WDR64: variants seen among roughly 807,000 people sequenced by gnomAD.
WDR64 encodes the protein WD repeat domain 64, also known as WD repeat-containing protein 64.
Under a neutral mutation model 139.3 loss-of-function variants are expected in WDR64, and 112 were observed. The observed-to-expected ratio is 0.80, with a 90% CI of 0.69 to 0.94. The LOEUF (loss-of-function observed/expected upper bound fraction) is 0.94. WDR64 is among the 40% of genes least tolerant of loss of function. The pLI is 0.00. For synonymous variants in WDR64, 444 were observed against 437.7 expected (o/e 1.01, Z -0.18); for missense variants, 1,206 against 1,293.1 (o/e 0.93, Z 1.03).
intron 8 of WDR64, among the ~76,000 whole-genome samples, chr1:241,701,930 G>A (rs1236855016): frequency 1.3e-5 from 2 of 152,032 alleles, no homozygotes; most frequent in Non-Finnish European, 2.9e-5. Flanking sequence ...TACATAATTG[G>A]CCAGCTGTTA....
rs1282042088 is a variant in WDR64 at position 241,801,651 on chromosome 1, C to T, written c.*436C>T. The T allele has an allele frequency of 5.0e-6, 2 of 398,726 alleles. No individual in the cohort carries two copies. Among genetic ancestry groups the T allele is most frequent in the Admixed American group, 8.8e-5 (2 of 22,746 alleles). The allele number at this position is 398,726 out of a possible 1,614,324, so 24.7% of individuals were successfully genotyped here. On this transcript the variant is annotated 3_prime_UTR_variant, in exon 28 of 28. Coordinates refer to ENST00000437684, the MANE Select transcript of WDR64 (RefSeq NM_001367482.1). ...AGAATTATTAAAAAGAAAAATGTAC[C>T]AGTCAGATCTCTAGATGTTTGTCTT...
At chr1:241,800,431 A>C (rs561572662) in intron 27 of WDR64, among the ~76,000 whole-genome samples, 1 of 152,338 alleles carries the variant, frequency 6.6e-6, no homozygotes. Flanking sequence ...ATGAATTTTT[A>C]AACCAAATTA....
chr1:241,740,192 T>G (rs955497575), intron 11 of WDR64, among the ~76,000 whole-genome samples: 1 of 152,216 alleles, frequency 6.6e-6, no homozygotes, highest in Non-Finnish European at 1.5e-5. Context: ...CTCCACATTC[T>G]TTCTCAGCAC....
intron 8 of WDR64, among the ~76,000 whole-genome samples, chr1:241,695,275 A>T (rs1320266259): frequency 6.6e-6 from 1 of 152,318 alleles, no homozygotes; most frequent in African/African-American, 2.4e-5. Context: ...TTTTTAAAAA[A>T]ATATCCTCAG....
At chr1:241,766,896 CTAG>C (rs1383655079) in intron 16 of WDR64, among the ~76,000 whole-genome samples, 1 of 152,170 alleles carries the variant, frequency 6.6e-6, no homozygotes, top group Non-Finnish European at 1.5e-5. Context: ...CTATTCTCAA[CTAG>C]TATATGCTTT....
chr1:241,670,718 G>A (rs1224035055), intron 2 of WDR64, among the ~76,000 whole-genome samples: 1 of 152,198 alleles, frequency 6.6e-6, no homozygotes, highest in Non-Finnish European at 1.5e-5. Flanking sequence ...AGTGGCACTA[G>A]ATCCTCACAG....
At chr1:241,673,795 C>T (rs919167306) in intron 3 of WDR64, among the ~76,000 whole-genome samples, 2 of 152,074 alleles carry the variant, frequency 1.3e-5, no homozygotes, top group African/African-American at 4.8e-5. Flanking sequence ...CAGTGCATGG[C>T]CATAGAAACA....
chr1:241,685,974 T>C (rs1277527241), intron 7 of WDR64, among the ~76,000 whole-genome samples: 1 of 152,206 alleles, frequency 6.6e-6, no homozygotes, highest in East Asian at 1.9e-4. Context: ...ATCCCTGTTT[T>C]CATTAGATAG....
chr1:241,680,193 T>A (rs1236862554), intron 6 of WDR64, among the ~76,000 whole-genome samples: 1 of 152,120 alleles, frequency 6.6e-6, no homozygotes, highest in African/African-American at 2.4e-5. Flanking sequence ...GAGGGTGAGA[T>A]CACTGAGCAC....
At chr1:241,693,977 G>T (rs1278867691) in intron 8 of WDR64, among the ~76,000 whole-genome samples, 2 of 151,990 alleles carry the variant, frequency 1.3e-5, no homozygotes, top group Non-Finnish European at 2.9e-5. Context: ...ATAGAACTTG[G>T]TCTCCTTCCC....
intron 27 of WDR64, among the ~76,000 whole-genome samples, chr1:241,798,077 A>G (rs1365505962): frequency 6.6e-6 from 1 of 152,148 alleles, no homozygotes; most frequent in Non-Finnish European, 1.5e-5. Context: ...AATAACCAGA[A>G]TTTGACTCTA....
intron 9 of WDR64, among the ~76,000 whole-genome samples, chr1:241,714,068 A>G (rs1031478382): frequency 3.3e-5 from 5 of 152,200 alleles, no homozygotes; most frequent in Non-Finnish European, 5.9e-5. Flanking sequence ...TGACAGGAAA[A>G]GATCTGGTTG....
intron 3 of WDR64, 127 bp downstream of exon 3, chr1:241,671,303 G>T: frequency 1.5e-6 from 1 of 656,932 alleles, no homozygotes; most frequent in Non-Finnish European, 2.5e-6. Flanking sequence ...ATCACTAGGT[G>T]TCGGGGGTGG....
Position 241,703,371 on chromosome 1 carries a change from C to T in WDR64, c.975-8431C>T, listed in dbSNP as rs1263935713. Among the ~76,000 whole-genome samples, 1 of 151,958 alleles carries T rather than the reference C, an allele frequency of 6.6e-6. No homozygotes were observed. Among genetic ancestry groups the T allele is most frequent in the African/African-American group, 2.4e-5 (1 of 41,362 alleles). ...TCTGCTTCTCTCCCTGCATCACGCT[C>T]ATTAATTCATGGAACAACAGGAGAA... On this transcript the variant is annotated intron_variant, in intron 8 of 27. Coordinates refer to ENST00000437684, the MANE Select transcript of WDR64 (RefSeq NM_001367482.1). This position sits in a 1 kb window ranked among gnomAD's most constrained non-coding sequence, Gnocchi z 5.9.
chr1:241,700,624 G>A (rs1667675152), intron 8 of WDR64, among the ~76,000 whole-genome samples: 1 of 152,164 alleles, frequency 6.6e-6, no homozygotes, highest in African/African-American at 2.4e-5. Context: ...TGCTTCAAGG[G>A]AGCAAAAGAA....
Position 241,757,472 on chromosome 1 carries a change from T to C in WDR64, c.1947+13T>C. 1.3e-6 allele frequency: 2 copies of C among 1,589,144 alleles called. No homozygotes were observed. The highest frequency in any genetic ancestry group is 1.7e-6 in the Non-Finnish European group (2 of 1,169,086). Reference sequence around the variant, plus strand: ...TCAACCTACTGATGTAAGTTTCCTCTCTTGGTTTCTTTTTAACTTTTGCTT... The same window carrying C: ...TCAACCTACTGATGTAAGTTTCCTCCCTTGGTTTCTTTTTAACTTTTGCTT... On this transcript the variant is annotated intron_variant, in intron 15 of 27. Transcript: ENST00000437684.
chr1:241,773,629 A>C (rs538011555), intron 20 of WDR64, among the ~76,000 whole-genome samples: 14 of 152,160 alleles, frequency 9.2e-5, no homozygotes, highest in African/African-American at 2.9e-4. Context: ...CAGCACACCC[A>C]GCTAATTTTT....
rs745772881 is a variant in WDR64 at position 241,757,296 on chromosome 1, A to T, written c.1784A>T (p.Asp595Val). 9.3e-6 allele frequency: 15 copies of T among 1,613,198 alleles called. No homozygotes were observed. The highest frequency in any genetic ancestry group is 1.3e-5 in the Non-Finnish European group (15 of 1,179,698). Residue 595 changes from aspartate (D) to valine (V), a missense_variant, in exon 15 of 28, where the codon GAT (aspartate) becomes GTT (valine). By Grantham distance (152) the Asp-to-Val change is radical. Transcript: ENST00000437684. The stretch of plus-strand genomic sequence containing the variant: ...TTTCTGTTAAAGGGTAAGGAAGATG[A>T]TATCTACCTCATGGTGATCTGGGAG... ...TIKMIQGKEDDIYLMVIWELP... is the reference protein window; with the variant it reads ...TIKMIQGKEDVIYLMVIWELP...
chr1:241,732,291 T>C (rs986143535), intron 10 of WDR64, among the ~76,000 whole-genome samples: 3 of 149,526 alleles, frequency 2.0e-5, no homozygotes, highest in African/African-American at 7.5e-5. Context: ...CAAGTGTTTC[T>C]TACAATGCAG....
Sources: allele counts gnomAD v4.1 joint callset (sites outside exome capture counted in the v4.1 genomes callset), GRCh38; gene constraint gnomAD v4.1.1; non-coding constraint Gnocchi (gnomAD v3.1); transcripts MANE v1.5; gene names NCBI Gene and HGNC (gene_info 2026-07-23, HGNC 2026-07-21).